The following ZMAT4 variants were observed in gnomAD, a reference collection of about 807,000 sequenced individuals.
The protein encoded by ZMAT4 is zinc finger matrin-type 4, also known as zinc finger matrin-type protein 4.
Under a neutral mutation model 28.7 loss-of-function variants are expected in ZMAT4, and 17 were observed. The observed-to-expected ratio is 0.59, with a 90% CI of 0.41 to 0.89. The LOEUF (loss-of-function observed/expected upper bound fraction) is 0.89. Ranked by LOEUF, ZMAT4 falls within the 40% of genes least tolerant of loss-of-function variation. The pLI is 0.00. For missense variants in ZMAT4, 240 were observed against 283.8 expected, an observed-to-expected ratio of 0.85 and a Z score of 1.11; for synonymous variants, 117 against 109.2, an observed-to-expected ratio of 1.07 and a Z score of -0.44.
intron 1 of ZMAT4, among the ~76,000 whole-genome samples, chr8:40,895,510 A>G (rs1818836657): frequency 6.6e-6 from 1 of 152,084 alleles, no homozygotes; most frequent in African/African-American, 2.4e-5. Context: ...TTGTTATTTT[A>G]ATGATCTCTG....
chr8:40,648,458 G>A (rs372807154), intron 5 of ZMAT4, among the ~76,000 whole-genome samples: 17 of 151,482 alleles, frequency 1.1e-4, no homozygotes, highest in African/African-American at 3.2e-4. Flanking sequence ...TTGGTGTACC[G>A]GAAAGTGATG....
intron 5 of ZMAT4, among the ~76,000 whole-genome samples, chr8:40,620,444 T>C (rs1387396252): frequency 6.6e-6 from 1 of 152,258 alleles, no homozygotes; most frequent in African/African-American, 2.4e-5. Flanking sequence ...TCTGTTAACC[T>C]GATTAATATT....
intron 3 of ZMAT4, among the ~76,000 whole-genome samples, chr8:40,753,250 C>T (rs1208157488): frequency 6.6e-6 from 1 of 152,122 alleles, no homozygotes. Context: ...TTTATGACTT[C>T]CTTCTTACTC....
intron 5 of ZMAT4, among the ~76,000 whole-genome samples, chr8:40,623,540 G>T (rs1036641910): frequency 6.6e-6 from 1 of 152,202 alleles, no homozygotes; most frequent in South Asian, 2.1e-4. Flanking sequence ...TTTCACCTTA[G>T]TTGGGCCTGC....
chr8:40,768,518 A>T (rs1813254780), intron 2 of ZMAT4, among the ~76,000 whole-genome samples: 1 of 152,176 alleles, frequency 6.6e-6, no homozygotes, highest in South Asian at 2.1e-4. Context: ...TTTCTACCTG[A>T]GGCAGGATGG....
intron 2 of ZMAT4, among the ~76,000 whole-genome samples, chr8:40,779,929 A>C (rs4487749): frequency 0.39 from 59,877 of 151,984 alleles, 13,064 homozygotes; most frequent in Non-Finnish European, 0.48. Context: ...TGGAGCATGA[A>C]GGAAGCCCAC....
intron 3 of ZMAT4, 132 bp from the exon 4 acceptor site, chr8:40,697,533 G>T: frequency 1.3e-6 from 1 of 783,074 alleles, no homozygotes; most frequent in Non-Finnish European, 1.8e-6. Context: ...CTCTCTTTTT[G>T]CCTTGCTTTC....
At chr8:40,777,779 G>C (rs1036189938) in intron 2 of ZMAT4, among the ~76,000 whole-genome samples, 1 of 152,198 alleles carries the variant, frequency 6.6e-6, no homozygotes, top group Non-Finnish European at 1.5e-5. Context: ...CAGTCTCTCA[G>C]ACAACCCCAA....
At chr8:40,738,325 A>C (rs1811862506) in intron 3 of ZMAT4, among the ~76,000 whole-genome samples, 1 of 152,320 alleles carries the variant, frequency 6.6e-6, no homozygotes, top group African/African-American at 2.4e-5. Flanking sequence ...CCTTGAACAA[A>C]GTTCAGACCC....
chr8:40,615,855 G>A (rs1805983186), intron 5 of ZMAT4, among the ~76,000 whole-genome samples: 1 of 151,996 alleles, frequency 6.6e-6, no homozygotes. Flanking sequence ...TTTTTAGAAA[G>A]CAATGGCAAC....
intron 5 of ZMAT4, among the ~76,000 whole-genome samples, chr8:40,633,736 G>A (rs996102320): frequency 6.6e-6 from 1 of 152,140 alleles, no homozygotes; most frequent in Admixed American, 6.5e-5. Context: ...GGCTAAGTGG[G>A]AATGAGATGA....
chr8:40,595,651 T>A (rs1454558295), intron 5 of ZMAT4, among the ~76,000 whole-genome samples: 1 of 152,058 alleles, frequency 6.6e-6, no homozygotes, highest in Non-Finnish European at 1.5e-5. Flanking sequence ...ACAGAAAAGG[T>A]ACAGTAAAAA....
At chr8:40,785,282 A>G (rs1463648802) in intron 2 of ZMAT4, among the ~76,000 whole-genome samples, 1 of 152,222 alleles carries the variant, frequency 6.6e-6, no homozygotes, top group Non-Finnish European at 1.5e-5. Context: ...TCTTGGCCAC[A>G]TAGTTTAGCC....
At chr8:40,641,569 T>A (rs1480187090) in intron 5 of ZMAT4, among the ~76,000 whole-genome samples, 1 of 152,236 alleles carries the variant, frequency 6.6e-6, no homozygotes, top group African/African-American at 2.4e-5. Flanking sequence ...AAATATTTCA[T>A]GTACACAACT....
chr8:40,807,554 AC>A (rs1815138726), intron 2 of ZMAT4, among the ~76,000 whole-genome samples: 1 of 152,224 alleles, frequency 6.6e-6, no homozygotes, highest in Non-Finnish European at 1.5e-5. Context: ...CCTGGATCTT[AC>A]AAGCCGGCAT....
intron 6 of ZMAT4, among the ~76,000 whole-genome samples, chr8:40,533,802 A>G (rs1283451903): frequency 1.3e-5 from 2 of 152,228 alleles, no homozygotes; most frequent in African/African-American, 4.8e-5. Context: ...TAAAAATTAA[A>G]ATCCTGTTTT....
At chr8:40,743,642 A>C (rs1812103003) in intron 3 of ZMAT4, among the ~76,000 whole-genome samples, 1 of 152,224 alleles carries the variant, frequency 6.6e-6, no homozygotes, top group Admixed American at 6.5e-5. Flanking sequence ...CCTCACAGAG[A>C]GTTGGAAGCC....
intron 6 of ZMAT4, among the ~76,000 whole-genome samples, chr8:40,574,639 C>T (rs1344628804): frequency 2.6e-5 from 4 of 152,120 alleles, no homozygotes; most frequent in African/African-American, 9.7e-5. Flanking sequence ...AAAAAATTGG[C>T]AAAATCCTTG....
At chr8:40,745,787 G>A (rs1812191295) in intron 3 of ZMAT4, among the ~76,000 whole-genome samples, 2 of 152,110 alleles carry the variant, frequency 1.3e-5, no homozygotes, top group South Asian at 2.1e-4. Flanking sequence ...TAAGAAAATA[G>A]GGACATTTGG....
Sources: allele counts gnomAD v4.1 joint callset (sites outside exome capture counted in the v4.1 genomes callset), GRCh38; gene constraint gnomAD v4.1.1; transcripts MANE v1.5; gene names NCBI Gene and HGNC (gene_info 2026-07-23, HGNC 2026-07-21).